The following GPM6A variants were observed in gnomAD, a reference collection of about 807,000 sequenced individuals.
GPM6A encodes glycoprotein M6A, also known as neuronal membrane glycoprotein M6-a.
Under a neutral mutation model 32.1 loss-of-function variants are expected in GPM6A, and 7 were observed. The ratio of observed to expected loss-of-function variants is 0.22; its 90% confidence interval spans 0.12 to 0.41. The LOEUF (loss-of-function observed/expected upper bound fraction) is 0.41. Ranked by LOEUF, GPM6A falls within the 10% of genes least tolerant of loss-of-function variation. The pLI, the probability that GPM6A is intolerant of heterozygous loss-of-function variation, is 1.00. For synonymous variants in GPM6A, 130 were observed against 123.4 expected (o/e 1.05, Z -0.35); for missense variants, 235 against 347.2 (o/e 0.68, Z 2.57).
At chr4:175,887,505 A>G (rs1164761506) in intron 1 of GPM6A, among the ~76,000 whole-genome samples, 1 of 151,926 alleles carries the variant, frequency 6.6e-6, no homozygotes, top group Admixed American at 6.6e-5. Flanking sequence ...AAAAGAACAA[A>G]ATACAAGGAA....
At chr4:175,983,126 G>A (rs926106299) in intron 1 of GPM6A, among the ~76,000 whole-genome samples, 1 of 152,052 alleles carries the variant, frequency 6.6e-6, no homozygotes, top group African/African-American at 2.4e-5. Context: ...AAGATGGGGA[G>A]GGGAGAATTT....
At chr4:175,756,883 A>G (rs1732548345) in intron 1 of GPM6A, among the ~76,000 whole-genome samples, 1 of 152,122 alleles carries the variant, frequency 6.6e-6, no homozygotes, top group Non-Finnish European at 1.5e-5. Context: ...TAAGCAGACA[A>G]GGCAACTCTG....
At chr4:175,929,843 A>G (rs1738970113) in intron 1 of GPM6A, among the ~76,000 whole-genome samples, 1 of 152,182 alleles carries the variant, frequency 6.6e-6, no homozygotes, top group Non-Finnish European at 1.5e-5. Context: ...AGATAGAAAC[A>G]CACAAAGAAG....
chr4:175,983,986 CTCTG>C (rs1455091537), intron 1 of GPM6A, among the ~76,000 whole-genome samples: 6 of 143,746 alleles, frequency 4.2e-5, no homozygotes, highest in Admixed American at 4.2e-4. Context: ...ATTGTGCTCT[CTCTG>C]TCTCTCTCTC....
At chr4:175,783,705 T>C (rs899833480) in intron 1 of GPM6A, among the ~76,000 whole-genome samples, 1 of 151,964 alleles carries the variant, frequency 6.6e-6, no homozygotes, top group Non-Finnish European at 1.5e-5. Flanking sequence ...ATAAGAATTA[T>C]TGGCAATATT....
chr4:175,852,497 T>C (rs1736290220), intron 1 of GPM6A, among the ~76,000 whole-genome samples: 1 of 152,176 alleles, frequency 6.6e-6, no homozygotes, highest in Admixed American at 6.5e-5. Flanking sequence ...TTCCACTTTA[T>C]TGGAGAGGGC....
At chr4:175,639,853 C>A (rs1741033893) in intron 6 of GPM6A, among the ~76,000 whole-genome samples, 1 of 151,842 alleles carries the variant, frequency 6.6e-6, no homozygotes, top group Non-Finnish European at 1.5e-5. Flanking sequence ...TACATATATG[C>A]TACAGAAATA....
At chr4:175,796,929 G>T (rs749204405) in intron 1 of GPM6A, among the ~76,000 whole-genome samples, 1 of 151,946 alleles carries the variant, frequency 6.6e-6, no homozygotes, top group African/African-American at 2.4e-5. Flanking sequence ...ATTTTCAGAC[G>T]TTTCTGATAA....
intron 1 of GPM6A, among the ~76,000 whole-genome samples, chr4:175,778,658 A>G (rs1217433325): frequency 5.3e-5 from 8 of 149,776 alleles, no homozygotes; most frequent in African/African-American, 1.7e-4. Flanking sequence ...AAAGAAAAAG[A>G]AAAAGAAAAC....
intron 1 of GPM6A, among the ~76,000 whole-genome samples, chr4:175,846,848 C>T (rs1736102396): frequency 6.6e-6 from 1 of 151,986 alleles, no homozygotes; most frequent in Non-Finnish European, 1.5e-5. Flanking sequence ...TCTTCGTTAA[C>T]TGTGAGATGT....
chr4:175,873,964 A>T (rs1736999608), intron 1 of GPM6A, among the ~76,000 whole-genome samples: 1 of 152,198 alleles, frequency 6.6e-6, no homozygotes, highest in African/African-American at 2.4e-5. Context: ...ACAATTATTG[A>T]CTGAGCACCT....
intron 1 of GPM6A, among the ~76,000 whole-genome samples, chr4:175,864,229 C>T (rs1056272579): frequency 2.0e-5 from 3 of 152,124 alleles, no homozygotes; most frequent in African/African-American, 4.8e-5. Context: ...TGAAGTGGCA[C>T]GGTAATGGCT....
At chr4:175,699,651 T>TG (rs1229713522) in intron 2 of GPM6A, among the ~76,000 whole-genome samples, 4 of 152,158 alleles carry the variant, frequency 2.6e-5, no homozygotes, top group Non-Finnish European at 5.9e-5. Flanking sequence ...CATGTATGTG[T>TG]GGGGGGTGGA....
intron 1 of GPM6A, among the ~76,000 whole-genome samples, chr4:175,981,509 G>C (rs1015568800): frequency 1.3e-5 from 2 of 152,032 alleles, no homozygotes; most frequent in African/African-American, 4.8e-5. Flanking sequence ...TTAGAGTCTG[G>C]CTTCTTTCAC....
intron 1 of GPM6A, among the ~76,000 whole-genome samples, chr4:175,893,450 T>C (rs1197131892): frequency 6.6e-6 from 1 of 152,046 alleles, no homozygotes; most frequent in Non-Finnish European, 1.5e-5. Context: ...AAGCATGGAG[T>C]ACCTAAAATC....
intron 1 of GPM6A, among the ~76,000 whole-genome samples, chr4:175,854,220 CAAAT>C (rs776798631): frequency 3.9e-5 from 6 of 151,906 alleles, no homozygotes; most frequent in Non-Finnish European, 7.4e-5. Context: ...AAAAGGCAAA[CAAAT>C]AAGAAGAAAC....
intron 1 of GPM6A, among the ~76,000 whole-genome samples, chr4:175,984,186 G>A (rs534376734): frequency 2.8e-4 from 43 of 151,988 alleles, no homozygotes; most frequent in African/African-American, 1.0e-3. Flanking sequence ...TTATTGAGAC[G>A]AAGTCTTGCT....
chr4:175,685,088 A>G (rs913493921), intron 2 of GPM6A, among the ~76,000 whole-genome samples: 1 of 151,962 alleles, frequency 6.6e-6, no homozygotes, highest in African/African-American at 2.4e-5. Context: ...ACGGGGTTTC[A>G]CCACATAAGC....
intron 1 of GPM6A, among the ~76,000 whole-genome samples, chr4:175,834,798 C>T (rs1735715115): frequency 1.3e-5 from 2 of 152,146 alleles, no homozygotes; most frequent in African/African-American, 4.8e-5. Flanking sequence ...TTAAAGCCTT[C>T]CTTAATCTTT....
Sources: allele counts gnomAD v4.1 joint callset (sites outside exome capture counted in the v4.1 genomes callset), GRCh38; gene constraint gnomAD v4.1.1; transcripts MANE v1.5; gene names NCBI Gene and HGNC (gene_info 2026-07-23, HGNC 2026-07-21).